The following QRFPR variants were observed in gnomAD, a reference collection of about 807,000 sequenced individuals.
The protein encoded by QRFPR is pyroglutamylated RF-amide peptide receptor.
A neutral mutation model predicts 31.3 loss-of-function variants in QRFPR; 37 were observed. The ratio of observed to expected loss-of-function variants is 1.18; its 90% CI spans 0.91 to 1.56. The LOEUF (loss-of-function observed/expected upper bound fraction) is 1.56. Among genes scored for constraint, QRFPR ranks in the 40% most tolerant of loss-of-function variants. QRFPR has a pLI of 0.00. For missense variants in QRFPR, 542 were observed against 532.5 expected (o/e 1.02, Z -0.18); for synonymous variants, 197 against 192.0 (o/e 1.03, Z -0.22).
At chr4:121,357,266 C>T (rs13144535) in intron 1 of QRFPR, among the ~76,000 whole-genome samples, 26,649 of 151,706 alleles carry the variant, frequency 0.18, 2,697 homozygotes, top group Non-Finnish European at 0.24. Flanking sequence ...GGATCATTGC[C>T]CATATGATAA....
chr4:121,359,462 T>C (rs868753455), intron 1 of QRFPR, among the ~76,000 whole-genome samples: 4 of 152,152 alleles, frequency 2.6e-5, no homozygotes, highest in African/African-American at 7.2e-5. Flanking sequence ...TGGCCCAGTC[T>C]CCCAGCCTGC....
intron 1 of QRFPR, among the ~76,000 whole-genome samples, chr4:121,379,713 CTT>C (rs977483136): frequency 2.0e-5 from 3 of 152,124 alleles, no homozygotes; most frequent in African/African-American, 7.2e-5. Flanking sequence ...CTGCATGACA[CTT>C]AATACAGTTT....
intron 1 of QRFPR, among the ~76,000 whole-genome samples, chr4:121,343,036 G>A (rs1725573852): frequency 6.6e-6 from 1 of 152,176 alleles, no homozygotes; most frequent in South Asian, 2.1e-4. Flanking sequence ...TCAAAAAGGT[G>A]AATGGAGAAG....
chr4:121,379,568 A>T (rs1385303319), intron 1 of QRFPR, among the ~76,000 whole-genome samples: 1 of 152,122 alleles, frequency 6.6e-6, no homozygotes, highest in Non-Finnish European at 1.5e-5. Context: ...CTTTTTTTCC[A>T]ACCTCCACAC....
rs1341793588 is a variant in QRFPR at position 121,331,135 on chromosome 4, G to A, written c.798-612C>T. 2.0e-5 allele frequency among the ~76,000 whole-genome samples: 3 copies of A among 148,940 alleles called. No homozygotes were observed. The East Asian group carries it at 5.9e-4, about 29-fold the overall frequency. ...AAATTATGAAATATGGGAAGTTCCA[G>A]GGATATAATTTAAATGGATATCTAT... is the stretch of plus-strand genomic sequence containing the variant. On this transcript the variant is annotated intron_variant, in intron 4 of 5. Coordinates refer to ENST00000394427, the MANE Select transcript of QRFPR (RefSeq NM_198179.3).
At chr4:121,334,779 A>G (rs1258570218) in intron 3 of QRFPR, among the ~76,000 whole-genome samples, 1 of 152,208 alleles carries the variant, frequency 6.6e-6, no homozygotes, top group Non-Finnish European at 1.5e-5. Context: ...CCCCAGTACA[A>G]GTGAAGCAGA....
rs141324862 is a variant in QRFPR at position 121,373,871 on chromosome 4, C to A, written c.340+6437G>T. On this transcript the variant is annotated intron_variant, in intron 1 of 5. Transcript: ENST00000394427. ...GTACAGTGAGTGCTTTCTTTCTCTC[C>A]CTCCTTTCCTTCCAGTTAAATCCTT... Among the ~76,000 whole-genome samples the A allele has an allele frequency of 6.1e-3, 932 of 152,266 alleles. 8 individuals are homozygous for A. The highest frequency in any genetic ancestry group is 0.02 in the African/African-American group (844 of 41,540).
chr4:121,355,832 G>T (rs181056717), intron 1 of QRFPR, among the ~76,000 whole-genome samples: 2 of 151,650 alleles, frequency 1.3e-5, no homozygotes, highest in African/African-American at 2.4e-5. Context: ...GTCATTGAGG[G>T]GCATACTGTT....
chr4:121,380,582 C>A lies in QRFPR; in HGVS notation c.66G>T (p.Arg22=). ...SRLLRDHNLT[R]EQFIALYRLR... ...GCCGGTACAGAGCGATGAACTGCTC[C>A]CGCGTCAGGTTGTGGTCCCGCAGCA... Residue 22 remains arginine, a synonymous_variant, in exon 1 of 6, where the codon CGG becomes CGT. Coordinates refer to ENST00000394427, the MANE Select transcript of QRFPR (RefSeq NM_198179.3). 6.2e-7 allele frequency: 1 copy of A among 1,607,212 alleles called. No individual in the cohort carries two copies. The highest frequency in any genetic ancestry group is 8.5e-7 in the Non-Finnish European group (1 of 1,176,264).
chr4:121,351,801 T>C (rs1461795863), intron 1 of QRFPR, among the ~76,000 whole-genome samples: 1 of 151,734 alleles, frequency 6.6e-6, no homozygotes, highest in African/African-American at 2.4e-5. Context: ...ATGTACTCAG[T>C]TGTTCACCAA....
chr4:121,376,976 G>A (rs1010585414), intron 1 of QRFPR, among the ~76,000 whole-genome samples: 19 of 152,158 alleles, frequency 1.2e-4, no homozygotes, highest in African/African-American at 4.6e-4. Context: ...CAAGAAAGAG[G>A]AATGGACTGA....
chr4:121,343,503 G>A (rs1194614498), intron 1 of QRFPR, among the ~76,000 whole-genome samples: 1 of 152,144 alleles, frequency 6.6e-6, no homozygotes, highest in African/African-American at 2.4e-5. Flanking sequence ...AGATGCCAAC[G>A]GTGGGAATTT....
chr4:121,369,901 T>G, intron 1 of QRFPR: 2 of 787,574 alleles, frequency 2.5e-6, no homozygotes, highest in South Asian at 1.4e-5. Flanking sequence ...GGAGTGCTTC[T>G]GCTACTCTAA....
rs567559367 is a variant in QRFPR at position 121,329,424 on chromosome 4, T to A, written c.1186A>T (p.Ile396Phe). Residue 396 changes from isoleucine to phenylalanine, a missense_variant, in exon 6 of 6, where the codon ATT (isoleucine) becomes TTT (phenylalanine). Transcript: ENST00000394427. ...TKGEAFSDGN[I>F]EVKLCEQTEE... Reference sequence around the variant, plus strand: ...GTCTGTTCACACAATTTGACTTCAATGTTGCCATCACTGAATGCTTCTCCT... The same window carrying A: ...GTCTGTTCACACAATTTGACTTCAAAGTTGCCATCACTGAATGCTTCTCCT... 5.0e-6 allele frequency: 8 copies of A among 1,614,168 alleles called. No individual in the cohort carries two copies. The South Asian group carries it at 7.7e-5, about 16-fold the overall frequency.
chr4:121,347,595 G>A (rs571890609), intron 1 of QRFPR, among the ~76,000 whole-genome samples: 107 of 152,126 alleles, frequency 7.0e-4, no homozygotes, highest in African/African-American at 2.3e-3. Context: ...ATATATTAAC[G>A]CCCTCTCCAT....
chr4:121,332,626 C>T (rs755106964), intron 4 of QRFPR, among the ~76,000 whole-genome samples, 195 bp downstream of exon 4: 21 of 152,254 alleles, frequency 1.4e-4, no homozygotes, highest in African/African-American at 4.3e-4. Context: ...AGTTGATTTG[C>T]GAGCTGGTAG....
intron 1 of QRFPR, among the ~76,000 whole-genome samples, chr4:121,349,016 G>C (rs992286937): frequency 6.6e-6 from 1 of 152,110 alleles, no homozygotes; most frequent in Non-Finnish European, 1.5e-5. Flanking sequence ...AGAATGGCGT[G>C]AACCCGGGAG....
intron 5 of QRFPR, among the ~76,000 whole-genome samples, chr4:121,329,976 C>G (rs558239356): frequency 1.3e-5 from 2 of 152,284 alleles, no homozygotes; most frequent in East Asian, 3.9e-4. Flanking sequence ...CTTGATAACT[C>G]CAAGCTTCAT....
chr4:121,341,130 T>C (rs1305760570), intron 1 of QRFPR, among the ~76,000 whole-genome samples: 1 of 152,252 alleles, frequency 6.6e-6, no homozygotes, highest in Non-Finnish European at 1.5e-5. Flanking sequence ...CTTTCTCTAA[T>C]GCAACGGTCT....
Sources: gnomAD v4.1 joint callset for allele counts (sites outside exome capture counted in the v4.1 genomes callset) on GRCh38, gnomAD v4.1.1 for gene constraint, MANE v1.5 for transcripts, NCBI Gene and HGNC (gene_info 2026-07-23, HGNC 2026-07-21) for gene names.